The following DOCK1 variants were observed in gnomAD, a reference collection of about 807,000 sequenced individuals.
DOCK1 encodes dedicator of cytokinesis 1, also known as dedicator of cytokinesis protein 1.
A neutral mutation model predicts 262.7 loss-of-function variants in DOCK1; 138 were observed. The observed-to-expected ratio is 0.53, with a 90% CI of 0.46 to 0.61. The LOEUF is 0.61. Among genes scored for constraint, DOCK1 ranks in the 20% least tolerant of loss-of-function variants. The pLI is 0.00. For missense variants in DOCK1, 1,908 were observed against 2,370.7 expected, an observed-to-expected ratio of 0.80 and a Z score of 4.05; for synonymous variants, 866 against 867.4, an observed-to-expected ratio of 1.00 and a Z score of 0.03.
intron 29 of DOCK1, among the ~76,000 whole-genome samples, chr10:127,267,796 T>A (rs995105466): frequency 2.2e-4 from 34 of 152,256 alleles, no homozygotes; most frequent in African/African-American, 8.2e-4. Context: ...ATGATCCTCC[T>A]CCCGGTCCTC....
intron 12 of DOCK1, chr10:127,015,844 T>A (rs772031936): frequency 2.0e-5 from 3 of 152,632 alleles, no homozygotes; most frequent in Non-Finnish European, 4.4e-5. Context: ...TGACTCTTGT[T>A]CCTGAGCCCC....
intron 23 of DOCK1, among the ~76,000 whole-genome samples, chr10:127,076,391 A>G (rs968790419): frequency 1.3e-5 from 2 of 152,120 alleles, no homozygotes; most frequent in Non-Finnish European, 2.9e-5. Flanking sequence ...GTCCCTGCTA[A>G]TCAGGAGACT....
At chr10:127,075,259 CATTG>C (rs1691256640) in intron 23 of DOCK1, among the ~76,000 whole-genome samples, 2 of 139,158 alleles carry the variant, frequency 1.4e-5, no homozygotes, top group Non-Finnish European at 3.0e-5. Flanking sequence ...GTTTTTCTTT[CATTG>C]ATTGATTGAT....
chr10:127,269,995 C>T (rs778610257), intron 29 of DOCK1, among the ~76,000 whole-genome samples: 3 of 152,194 alleles, frequency 2.0e-5, no homozygotes, highest in Non-Finnish European at 4.4e-5. Context: ...TCTCAGGAAC[C>T]GGGGACTCCA....
chr10:126,988,600 T>C (rs2039575326), intron 5 of DOCK1, among the ~76,000 whole-genome samples: 1 of 152,236 alleles, frequency 6.6e-6, no homozygotes. Context: ...AACAAAAATA[T>C]GGCAACAAAA....
At chr10:126,936,400 A>C (rs1347786530) in intron 1 of DOCK1, among the ~76,000 whole-genome samples, 1 of 152,256 alleles carries the variant, frequency 6.6e-6, no homozygotes, top group Non-Finnish European at 1.5e-5. Context: ...AGCCACAGAC[A>C]GTGCATAGGC....
In DOCK1 at chr10:127,362,105, A is replaced by G; in HGVS notation, c.3325A>G (p.Ile1109Val). The change falls in exon 33 of 52, where the codon ATA becomes GTA. Residue 1109 changes from isoleucine (I) to valine (V), a missense_variant. Transcript: ENST00000623213. ...GTTCATTCCAGAAATGGTGGGCCCA[A>G]TATTAGAAATGACATTAATTCCCGA... ...IKFIPEMVGP[I>V]LEMTLIPETE... 2 of 1,613,716 alleles carry G rather than the reference A, an allele frequency of 1.2e-6. No homozygotes were observed. The highest frequency in any genetic ancestry group is 8.5e-7 in the Non-Finnish European group (1 of 1,179,826).
intron 7 of DOCK1, 21 bp downstream of exon 7, chr10:126,996,904 T>C: frequency 6.4e-7 from 1 of 1,566,004 alleles, no homozygotes; most frequent in South Asian, 1.2e-5. Context: ...CTCTGTCATA[T>C]GCCATTCACG....
At chr10:126,979,465 C>T (rs1367543066) in intron 3 of DOCK1, among the ~76,000 whole-genome samples, 2 of 152,198 alleles carry the variant, frequency 1.3e-5, no homozygotes, top group Non-Finnish European at 2.9e-5. Flanking sequence ...TGCCCCTCCC[C>T]CATCACATTC....
intron 19 of DOCK1, among the ~76,000 whole-genome samples, chr10:127,041,722 T>G (rs1227879285): frequency 6.6e-6 from 1 of 152,208 alleles, no homozygotes; most frequent in Non-Finnish European, 1.5e-5. Context: ...GCCCACTTCT[T>G]ATTAGTCATC....
At chr10:126,966,203 T>A (rs904315374) in intron 1 of DOCK1, among the ~76,000 whole-genome samples, 3 of 152,262 alleles carry the variant, frequency 2.0e-5, no homozygotes, top group South Asian at 2.1e-4. Flanking sequence ...CTATTTTTTT[T>A]AAATGGCTGA....
At position 127,257,350 on chromosome 10, in the gene DOCK1, A is replaced by G. The variant is rs770357047; in HGVS notation, c.2965A>G (p.Thr989Ala). 4 of 1,599,014 alleles carry G rather than the reference A, an allele frequency of 2.5e-6. No homozygotes were observed. The highest frequency in any genetic ancestry group is 8.5e-7 in the Non-Finnish European group (1 of 1,171,318). Reference sequence around the variant, plus strand: ...TTTATTTCAGGATTTCCTAATGGAAACATTCATCATGTTTAAGAACCTCAT... The same window carrying G: ...TTTATTTCAGGATTTCCTAATGGAAGCATTCATCATGTTTAAGAACCTCAT... ...RTDVVDFLME[T>A]FIMFKNLIGK... The change falls in exon 29 of 52, where the codon ACA (threonine) becomes GCA (alanine). Residue 989 changes from threonine (T) to alanine (A), a missense_variant. Thr to Ala is a moderately conservative substitution (Grantham distance 58, BLOSUM62 0). This residue lies in a region of DOCK1 where 518 missense variants were observed against 575.1 expected (regional missense o/e 0.90). Transcript: ENST00000623213.
chr10:127,315,756 G>A (rs2062248776), intron 29 of DOCK1, among the ~76,000 whole-genome samples: 1 of 152,166 alleles, frequency 6.6e-6, no homozygotes, highest in Non-Finnish European at 1.5e-5. Flanking sequence ...AGGCTGCAGT[G>A]GCGCAATCTC....
chr10:127,310,275 C>T (rs1393637508), intron 29 of DOCK1, among the ~76,000 whole-genome samples: 128 of 142,604 alleles, frequency 9.0e-4, no homozygotes, highest in African/African-American at 3.1e-3. Context: ...ACCCCCTTAC[C>T]CCCACCCCTA....
chr10:127,388,104 T>C (rs192682697), intron 38 of DOCK1, among the ~76,000 whole-genome samples: 30 of 152,232 alleles, frequency 2.0e-4, no homozygotes, highest in Admixed American at 7.2e-4. Context: ...GTGTCCAGGT[T>C]GAGAAAGCCC....
At position 127,061,704 on chromosome 10, in the gene DOCK1, A is replaced by T. The variant is rs753889992; in HGVS notation, c.2373A>T (p.Glu791Asp). ...YENKGEADFV[E>D]SLLQLFRSIN... Reference sequence around the variant, plus strand: ...ACAAGGGAGAGGCTGACTTCGTGGAATCTTTGCTGCAGCTCTTCAGGTCCA... The same window carrying T: ...ACAAGGGAGAGGCTGACTTCGTGGATTCTTTGCTGCAGCTCTTCAGGTCCA... Residue 791 changes from glutamate (E) to aspartate (D), a missense_variant, in exon 23 of 52, where the codon GAA becomes GAT. Glu to Asp is a conservative substitution (Grantham distance 45, BLOSUM62 2). Transcript: ENST00000623213. The T allele has an allele frequency of 3.1e-6, 5 of 1,600,580 alleles. No homozygotes were observed. In the East Asian group the frequency reaches 1.1e-4, roughly 36 times the overall value.
chr10:127,106,295 A>C lies in DOCK1; in HGVS notation c.2510A>C (p.Glu837Ala). ...NDVKLVFDPK[E>A]LSKMFTEFIL... ...GTGAAATTGGTGTTTGATCCCAAAG[A>C]GCTCAGGTAAGTATGCAGCCCAGGC... Residue 837 changes from glutamate (E) to alanine (A), a missense_variant, in exon 24 of 52, where the codon GAG becomes GCG. By Grantham distance (107) the Glu-to-Ala change is moderately radical. Transcript: ENST00000623213. The C allele has an allele frequency of 6.3e-7, 1 of 1,595,904 alleles. No individual in the cohort carries two copies. Among genetic ancestry groups the C allele is most frequent in the Non-Finnish European group, 8.5e-7 (1 of 1,170,110 alleles).
chr10:127,060,237 A>C (rs1038905898), intron 22 of DOCK1, among the ~76,000 whole-genome samples: 2 of 152,120 alleles, frequency 1.3e-5, no homozygotes, highest in Non-Finnish European at 2.9e-5. Context: ...GAGGGGAAAA[A>C]TGATTGCAGC....
chr10:127,323,995 T>C (rs1424030555), intron 29 of DOCK1, among the ~76,000 whole-genome samples: 1 of 152,214 alleles, frequency 6.6e-6, no homozygotes, highest in Non-Finnish European at 1.5e-5. Context: ...GGATGCTGCA[T>C]ACAGAGCTGG....
Sources: allele counts gnomAD v4.1 joint callset (sites outside exome capture counted in the v4.1 genomes callset), GRCh38; gene constraint gnomAD v4.1.1; regional missense constraint gnomAD v4.1.1; transcripts MANE v1.5; gene names NCBI Gene and HGNC (gene_info 2026-07-23, HGNC 2026-07-21).